The following TMEM87B variants were observed in gnomAD, a reference collection of about 807,000 sequenced individuals.
TMEM87B encodes transmembrane protein 87B.
A neutral mutation model predicts 80.3 loss-of-function variants in TMEM87B; 83 were observed. The observed-to-expected ratio is 1.03, with a 90% CI of 0.87 to 1.24. The LOEUF is 1.24. TMEM87B is among the 50% of genes most tolerant of loss of function. TMEM87B has a pLI of 0.00. For missense variants in TMEM87B, 625 were observed against 674.4 expected (o/e 0.93, Z 0.81); for synonymous variants, 219 against 230.5 (o/e 0.95, Z 0.45).
chr2:112,105,533 T>C (rs1679742466), intron 15 of TMEM87B, among the ~76,000 whole-genome samples: 1 of 152,230 alleles, frequency 6.6e-6, no homozygotes, highest in South Asian at 2.1e-4. Context: ...ACTGCAAACA[T>C]GCAGAAGAGC....
rs1298333469 is a variant in TMEM87B, at chr2:112,055,644, G to C, written c.53G>C (p.Cys18Ser). The change falls in exon 1 of 19, where the codon TGC (cysteine) becomes TCC (serine). Residue 18 changes from cysteine (C) to serine (S), a missense_variant. Coordinates refer to ENST00000283206, the MANE Select transcript of TMEM87B (RefSeq NM_032824.3). ...GGGCTCCTGCCACGCCGCCGCCGCT[G>C]CTTTCCCGCCCGGGCCCCGCTGCTG... ...VAGLLPRRRR[C>S]FPARAPLLRV... 1.9e-6 allele frequency: 3 copies of C among 1,563,588 alleles called. No homozygotes were observed.
Position 112,100,620 on chromosome 2 carries a change from A to C in TMEM87B, c.1377-2A>C. Reference sequence around the variant, plus strand: ...TAAAACTACTCCTTGTTTTTGCTATAGATATGCCTTCATGCCCTTAATAGA... The same window carrying C: ...TAAAACTACTCCTTGTTTTTGCTATCGATATGCCTTCATGCCCTTAATAGA... On this transcript the variant is annotated splice_acceptor_variant, in intron 14 of 18. Transcript: ENST00000283206. LOFTEE classifies it high-confidence loss of function. The C allele has an allele frequency of 6.2e-7, 1 of 1,602,786 alleles. No homozygotes were observed. Among genetic ancestry groups the C allele is most frequent in the Non-Finnish European group, 8.5e-7 (1 of 1,172,106 alleles).
At chr2:112,107,460 T>C (rs951740449) in intron 16 of TMEM87B, among the ~76,000 whole-genome samples, 1 of 152,056 alleles carries the variant, frequency 6.6e-6, no homozygotes, top group Non-Finnish European at 1.5e-5. Flanking sequence ...ATAATGAGTG[T>C]GGCAAAGCAA....
rs1161511839 is a variant in TMEM87B at position 112,099,566 on chromosome 2, ACG to A, written c.1376+870_1376+871del. Reference sequence around the variant, plus strand: ...TATATATATATATATACACACACACACGCATATACATACACATACTGTTCTGT... The same window carrying A: ...TATATATATATATATACACACACACACATATACATACACATACTGTTCTGT... On this transcript the variant is annotated intron_variant, in intron 14 of 18. Coordinates refer to ENST00000283206, the MANE Select transcript of TMEM87B (RefSeq NM_032824.3). Among the ~76,000 whole-genome samples the A allele has an allele frequency of 1.2e-3, 175 of 141,254 alleles. 2 individuals are homozygous for A. Among genetic ancestry groups the A allele is most frequent in the African/African-American group, 3.8e-3 (143 of 37,990 alleles). 92.7% of individuals were successfully genotyped at this position (141,254 alleles called of 152,430 possible).
intron 9 of TMEM87B, among the ~76,000 whole-genome samples, chr2:112,087,373 C>T (rs939425696): frequency 6.6e-6 from 1 of 152,110 alleles, no homozygotes; most frequent in Admixed American, 6.5e-5. Flanking sequence ...ACTATTTTCT[C>T]ACTCTCCTGT....
intron 5 of TMEM87B, among the ~76,000 whole-genome samples, chr2:112,075,449 A>G (rs191767047): frequency 6.6e-6 from 1 of 152,206 alleles, no homozygotes; most frequent in Non-Finnish European, 1.5e-5. Context: ...ATATACTGTT[A>G]CTATCTTTGT....
At chr2:112,112,452 G>A (rs1212338072) in intron 17 of TMEM87B, among the ~76,000 whole-genome samples, 1 of 152,076 alleles carries the variant, frequency 6.6e-6, no homozygotes, top group Admixed American at 6.5e-5. Context: ...TTTTGGATGA[G>A]CACATTTGTG....
chr2:112,058,792 T>C, intron 1 of TMEM87B, among the ~76,000 whole-genome samples: 1 of 152,180 alleles, frequency 6.6e-6, no homozygotes, highest in East Asian at 1.9e-4. Context: ...ATTAGGGCAG[T>C]GGTGACAGAG....
chr2:112,106,361 G>A (rs577450846), intron 16 of TMEM87B, among the ~76,000 whole-genome samples: 26 of 152,186 alleles, frequency 1.7e-4, no homozygotes, highest in African/African-American at 6.3e-4. Flanking sequence ...GGCCTACCCC[G>A]GACGCTCCTG....
At chr2:112,078,130 T>A (rs572629992) in intron 6 of TMEM87B, among the ~76,000 whole-genome samples, 1 of 152,302 alleles carries the variant, frequency 6.6e-6, no homozygotes, top group East Asian at 1.9e-4. Context: ...GGAGATGGCA[T>A]CATGAGCCAG....
Position 112,097,259 on chromosome 2 carries a change from A to C in TMEM87B, c.1240A>C (p.Thr414Pro). ...LASIVFMGWT[T>P]KTFRIAKCQS... The stretch of plus-strand genomic sequence containing the variant: ...TTCTATAGTGTTTATGGGGTGGACA[A>C]CTAAGACATTTAGAATTGCAAAATG... Residue 414 changes from threonine to proline, a missense_variant, in exon 13 of 19, where the codon ACT (threonine) becomes CCT (proline). Physicochemically the swap from Thr to Pro is conservative, Grantham distance 38. Transcript: ENST00000283206. 4 of 1,608,854 alleles carry C rather than the reference A, an allele frequency of 2.5e-6. No individual in the cohort carries two copies. Among genetic ancestry groups the C allele is most frequent in the Non-Finnish European group, 3.4e-6 (4 of 1,178,666 alleles).
At chr2:112,058,435 C>T (rs907273755) in intron 1 of TMEM87B, among the ~76,000 whole-genome samples, 1 of 152,212 alleles carries the variant, frequency 6.6e-6, no homozygotes, top group Non-Finnish European at 1.5e-5. Flanking sequence ...CTGAAGAGGG[C>T]AGCTGCCATT....
rs1679607630 is a variant in TMEM87B at position 112,100,712 on chromosome 2, C to A, written c.1450+17C>A. The A allele has an allele frequency of 6.6e-7, 1 of 1,506,906 alleles. No homozygotes were observed. 93.3% of individuals were successfully genotyped at this position (1,506,906 alleles called of 1,614,324 possible). A position where few individuals can be genotyped will look rare whatever the true frequency, so the allele number is the denominator to read the frequency against. On this transcript the variant is annotated intron_variant, in intron 15 of 18. Coordinates refer to ENST00000283206, the MANE Select transcript of TMEM87B (RefSeq NM_032824.3). Reference sequence around the variant, plus strand: ...AAAATTTAAGTGAGTAATATGTTTTCTTTTTAAATGACCATTGTACATATT... The same window carrying A: ...AAAATTTAAGTGAGTAATATGTTTTATTTTTAAATGACCATTGTACATATT...
At chr2:112,112,027 T>TA (rs1176696774) in intron 17 of TMEM87B, among the ~76,000 whole-genome samples, 2 of 152,124 alleles carry the variant, frequency 1.3e-5, no homozygotes, top group African/African-American at 4.8e-5. Context: ...TCCTTAATCG[T>TA]ATTATTCCAA....
At position 112,085,996 on chromosome 2, in the gene TMEM87B, C is replaced by T; in HGVS notation, c.839-9C>T. ...ACAAAGTGAATTATTTTATTTTTTT[C>T]TTCCTCAGCCCAAGGCTTATTGATA... On this transcript the variant is annotated splice_polypyrimidine_tract_variant and intron_variant, in intron 8 of 18. Transcript: ENST00000283206. The T allele has an allele frequency of 6.2e-7, 1 of 1,608,590 alleles. No individual in the cohort carries two copies. The highest frequency in any genetic ancestry group is 1.3e-5 in the African/African-American group (1 of 74,644).
intron 5 of TMEM87B, 80 bp downstream of exon 5, chr2:112,075,042 T>C: frequency 6.7e-7 from 1 of 1,499,228 alleles, no homozygotes; most frequent in Non-Finnish European, 9.0e-7. Flanking sequence ...GGATAGATAC[T>C]TAGAGAGTGA....
chr2:112,068,509 C>T (rs547695426), intron 4 of TMEM87B, among the ~76,000 whole-genome samples: 121 of 152,096 alleles, frequency 8.0e-4, no homozygotes, highest in African/African-American at 2.8e-3. Flanking sequence ...TCGAGACCAT[C>T]CTGGCTAACA....
intron 14 of TMEM87B, among the ~76,000 whole-genome samples, chr2:112,099,869 C>T (rs1679581507): frequency 1.4e-5 from 2 of 143,968 alleles, no homozygotes; most frequent in South Asian, 4.3e-4. Flanking sequence ...GGCAACAGAG[C>T]CAGACCCTGT....
intron 10 of TMEM87B, among the ~76,000 whole-genome samples, chr2:112,090,979 A>G (rs1338153622): frequency 6.6e-6 from 1 of 152,196 alleles, no homozygotes; most frequent in Non-Finnish European, 1.5e-5. Flanking sequence ...TTGTATGATC[A>G]TGAAGAACTC....
Sources: allele counts gnomAD v4.1 joint callset (sites outside exome capture counted in the v4.1 genomes callset), GRCh38; gene constraint gnomAD v4.1.1; transcripts MANE v1.5; gene names NCBI Gene and HGNC (gene_info 2026-07-23, HGNC 2026-07-21).